The following CATSPERE variants were observed in gnomAD, a reference collection of about 807,000 sequenced individuals.
CATSPERE encodes catsper channel auxiliary subunit epsilon.
In CATSPERE, 93 loss-of-function variants were observed where a neutral mutation model predicts 114.1. The observed-to-expected ratio is 0.81, with a 90% CI of 0.69 to 0.97. The LOEUF (loss-of-function observed/expected upper bound fraction) is 0.97, where lower values mean the gene tolerates loss of function less well. Ranked by LOEUF, CATSPERE falls within the 50% of genes least tolerant of loss-of-function variation. The pLI is 0.00. For missense variants in CATSPERE, 1,058 were observed against 1,131.6 expected (o/e 0.93, Z 0.93); for synonymous variants, 341 against 384.1 (o/e 0.89, Z 1.31).
chr1:244,528,368 C>G lies in CATSPERE; in HGVS notation c.536+9670C>G, dbSNP rs76169004. On this transcript the variant is annotated intron_variant, in intron 8 of 21. Coordinates refer to ENST00000366534, the MANE Select transcript of CATSPERE (RefSeq NM_001130957.2). Reference sequence around the variant, plus strand: ...AATCAGTATGAATGAATCTCACAAGCATAATATGGAATGATAAAAGCAAAT... The same window carrying G: ...AATCAGTATGAATGAATCTCACAAGGATAATATGGAATGATAAAAGCAAAT... Among the ~76,000 whole-genome samples, 533 of 152,056 alleles carry G rather than the reference C, an allele frequency of 3.5e-3. 2 individuals carry two copies. The highest frequency in any genetic ancestry group is 5.6e-3 in the Non-Finnish European group (384 of 67,974).
At chr1:244,547,336 G>C (rs538733557) in intron 8 of CATSPERE, among the ~76,000 whole-genome samples, 1 of 152,024 alleles carries the variant, frequency 6.6e-6, no homozygotes. Flanking sequence ...GGAGTGCATT[G>C]AGCTGAAAGA....
At chr1:244,465,127 C>T (rs937661298) in intron 2 of CATSPERE, among the ~76,000 whole-genome samples, 1 of 151,880 alleles carries the variant, frequency 6.6e-6, no homozygotes, top group Non-Finnish European at 1.5e-5. Context: ...CCTCTGCCTC[C>T]CGGGTTCAAG....
intron 13 of CATSPERE, among the ~76,000 whole-genome samples, chr1:244,587,101 G>A (rs943349417): frequency 8.5e-5 from 13 of 152,198 alleles, no homozygotes; most frequent in African/African-American, 1.7e-4. Context: ...GCAACAGTTC[G>A]TTTTCCTAAT....
intron 8 of CATSPERE, 105 bp from the exon 9 acceptor site, chr1:244,552,217 G>T (rs1558480679): frequency 2.2e-6 from 3 of 1,381,574 alleles, no homozygotes; most frequent in East Asian, 2.4e-5. Context: ...ATCCAGATTT[G>T]TATTGATAAA....
At chr1:244,549,302 G>A (rs1481994087) in intron 8 of CATSPERE, among the ~76,000 whole-genome samples, 2 of 152,212 alleles carry the variant, frequency 1.3e-5, no homozygotes, top group Non-Finnish European at 2.9e-5. Flanking sequence ...ACAATGGGTA[G>A]CAGAGGAAGT....
intron 10 of CATSPERE, among the ~76,000 whole-genome samples, chr1:244,561,383 A>G (rs990280774): frequency 1.3e-5 from 2 of 152,210 alleles, no homozygotes; most frequent in Admixed American, 1.3e-4. Flanking sequence ...ATTTTGGTCA[A>G]TCAGTAGATT....
chr1:244,457,777 TA>T (rs1013220213), upstream of CATSPERE, among the ~76,000 whole-genome samples: 25 of 152,192 alleles, frequency 1.6e-4, no homozygotes, highest in African/African-American at 5.8e-4. Context: ...TTAAGTCCTC[TA>T]AAGTCCAAAA....
In CATSPERE at chr1:244,621,122, TATATAAA is replaced by T. The variant is rs1672160511; in HGVS notation, c.2648+3437_2648+3443del. ...TATATATAAATATATATATAATATA[TATATAAA>T]TATATATAAAATATATATATTATAA... On this transcript the variant is annotated intron_variant, in intron 20 of 21. Coordinates refer to ENST00000366534, the MANE Select transcript of CATSPERE (RefSeq NM_001130957.2). Among the ~76,000 whole-genome samples, 5 of 99,750 alleles carry T rather than the reference TATATAAA, an allele frequency of 5.0e-5. 1 individual carries two copies. In the Admixed American group the frequency reaches 7.9e-4, roughly 16 times the overall value. The allele number at this position is 99,750 out of a possible 152,430, so 65.4% of individuals were successfully genotyped here.
chr1:244,552,064 CAAAAAAAAAA>C (rs33962480), intron 8 of CATSPERE, among the ~76,000 whole-genome samples: 7 of 61,330 alleles, frequency 1.1e-4, no homozygotes, highest in Non-Finnish European at 1.7e-4. Context: ...ACTCTGTCTC[CAAAAAAAAAA>C]AAAAAAAAAA....
chr1:244,500,651 T>C (rs1334681650), intron 7 of CATSPERE, among the ~76,000 whole-genome samples: 4 of 152,166 alleles, frequency 2.6e-5, no homozygotes, highest in Non-Finnish European at 5.9e-5. Context: ...GATCAGATGG[T>C]TGTAAATGTG....
intron 4 of CATSPERE, among the ~76,000 whole-genome samples, chr1:244,478,887 G>C (rs112121372): frequency 0.012 from 1,796 of 151,732 alleles, 35 homozygotes; most frequent in African/African-American, 0.041. Flanking sequence ...AAGTAGCCGG[G>C]TGTGGTGGCA....
chr1:244,509,748 C>A (rs1675395304), intron 7 of CATSPERE, among the ~76,000 whole-genome samples: 1 of 152,142 alleles, frequency 6.6e-6, no homozygotes, highest in South Asian at 2.1e-4. Context: ...GAGATTCAAT[C>A]CTGTTACTAA....
At chr1:244,466,326 T>G (rs1667599007) in intron 2 of CATSPERE, among the ~76,000 whole-genome samples, 1 of 152,098 alleles carries the variant, frequency 6.6e-6, no homozygotes, top group Non-Finnish European at 1.5e-5. Context: ...CAGGAAAAAT[T>G]TTCATTGTAT....
chr1:244,551,293 A>T (rs1276438096), intron 8 of CATSPERE, among the ~76,000 whole-genome samples: 1 of 152,206 alleles, frequency 6.6e-6, no homozygotes, highest in Non-Finnish European at 1.5e-5. Context: ...GAGAGACAGT[A>T]ATGAAGGGAA....
chr1:244,485,067 A>T (rs543012799), intron 5 of CATSPERE, among the ~76,000 whole-genome samples: 1 of 151,554 alleles, frequency 6.6e-6, no homozygotes, highest in South Asian at 2.1e-4. Context: ...ATCTTGCCTT[A>T]TCTTTGGTGT....
chr1:244,635,654 C>T, intron 21 of CATSPERE, 112 bp downstream of exon 21: 1 of 711,486 alleles, frequency 1.4e-6, no homozygotes, highest in Non-Finnish European at 2.4e-6. Context: ...CCTGTGCACT[C>T]ACTTTTCAGG....
chr1:244,469,246 T>A (rs999843900), intron 2 of CATSPERE, among the ~76,000 whole-genome samples: 1 of 152,124 alleles, frequency 6.6e-6, no homozygotes, highest in African/African-American at 2.4e-5. Flanking sequence ...ATAAAATATA[T>A]AAATTAGTAT....
In CATSPERE at chr1:244,580,511, A is replaced by G. The variant is rs140763955; in HGVS notation, c.1951-1285A>G. Among the ~76,000 whole-genome samples, 12 of 152,222 alleles carry G rather than the reference A, an allele frequency of 7.9e-5. 1 individual carries two copies. The East Asian group carries it at 9.6e-4, about 12-fold the overall frequency. On this transcript the variant is annotated intron_variant, in intron 11 of 21. Transcript: ENST00000366534. The stretch of plus-strand genomic sequence containing the variant: ...AATCATTTGTTTTTTAAAAATGAAT[A>G]TAACACCCACATAGAAAAGTAAATA...
rs531124680 is a variant in CATSPERE at position 244,633,368 on chromosome 1, A to G, written c.2649-2121A>G. 2.6e-5 allele frequency among the ~76,000 whole-genome samples: 4 copies of G among 152,286 alleles called. No homozygotes were observed. The highest frequency in any genetic ancestry group is 1.9e-4 in the East Asian group (1 of 5,192). On this transcript the variant is annotated intron_variant, in intron 20 of 21. Coordinates refer to ENST00000366534, the MANE Select transcript of CATSPERE (RefSeq NM_001130957.2). This position sits in a 1 kb window ranked among gnomAD's most constrained non-coding sequence, Gnocchi z 4.1. ...CACAATTTCATTCTATCAAAGGTCA[A>G]CTTGGCCCTCTTTTCAGTCACAATT...
Sources: allele counts gnomAD v4.1 joint callset (sites outside exome capture counted in the v4.1 genomes callset), GRCh38; gene constraint gnomAD v4.1.1; non-coding constraint Gnocchi (gnomAD v3.1); transcripts MANE v1.5; gene names NCBI Gene and HGNC (gene_info 2026-07-23, HGNC 2026-07-21).